HELLS: variants seen among roughly 807,000 people sequenced by gnomAD.
HELLS encodes the protein lymphoid-specific helicase.
A neutral mutation model predicts 120.0 loss-of-function variants in HELLS; 32 were observed. That is an observed-to-expected ratio of 0.27 (90% CI 0.20 to 0.36). The LOEUF is 0.36. HELLS is among the 10% of genes least tolerant of loss of function. HELLS has a pLI of 1.00. For missense variants in HELLS, 650 were observed against 993.4 expected (o/e 0.65, Z 4.65); for synonymous variants, 341 against 323.4 (o/e 1.05, Z -0.58).
Position 94,601,640 on chromosome 10 carries a change from G to A in HELLS, c.*18G>A, listed in dbSNP as rs767949845. On this transcript the variant is annotated 3_prime_UTR_variant, in exon 22 of 22. Coordinates refer to ENST00000348459, the MANE Select transcript of HELLS (RefSeq NM_018063.5). ...TGTTTTAAAGTGGAGCTCAAGAATA[G>A]CTTTTAAAAGTTCTTATTTACATCT... The A allele has an allele frequency of 7.6e-7, 1 of 1,312,484 alleles. No homozygotes were observed. The highest frequency in any genetic ancestry group is 1.1e-6 in the Non-Finnish European group (1 of 926,892). 81.3% of individuals were successfully genotyped at this position (1,312,484 alleles called of 1,614,324 possible).
At chr10:94,577,482 C>A (rs955515310) in intron 10 of HELLS, 3 of 157,984 alleles carry the variant, frequency 1.9e-5, no homozygotes, top group Non-Finnish European at 4.2e-5. Flanking sequence ...AATCAAAACA[C>A]ATAAGTCATA....
chr10:94,564,822 T>G (rs573245288), intron 6 of HELLS, among the ~76,000 whole-genome samples: 58 of 152,242 alleles, frequency 3.8e-4, no homozygotes, highest in Middle Eastern at 6.8e-3. Flanking sequence ...CTTGAACTAC[T>G]GACCTCAGGT....
intron 6 of HELLS, among the ~76,000 whole-genome samples, chr10:94,565,488 G>A (rs945511658): frequency 6.6e-6 from 1 of 152,160 alleles, no homozygotes; most frequent in African/African-American, 2.4e-5. Context: ...TCAAGAGTTC[G>A]AGGCCAGCCT....
chr10:94,574,847 A>G (rs1844353210), intron 9 of HELLS, 111 bp downstream of exon 9: 3 of 842,396 alleles, frequency 3.6e-6, no homozygotes, highest in Non-Finnish European at 3.6e-6. Context: ...TTCTGTATAA[A>G]TATTTTGTCT....
At chr10:94,548,884 C>T (rs752224032) in intron 2 of HELLS, among the ~76,000 whole-genome samples, 4 of 152,090 alleles carry the variant, frequency 2.6e-5, no homozygotes, top group Non-Finnish European at 5.9e-5. Context: ...GTCCCAACTA[C>T]TCAGGAGGCT....
intron 13 of HELLS, among the ~76,000 whole-genome samples, chr10:94,589,615 C>A (rs1589755267): frequency 6.7e-6 from 1 of 149,182 alleles, no homozygotes; most frequent in African/African-American, 2.5e-5. Flanking sequence ...TACGTATTTT[C>A]TTTTCAAAAT....
intron 6 of HELLS, among the ~76,000 whole-genome samples, chr10:94,569,002 C>T (rs960723579): frequency 6.6e-6 from 1 of 151,854 alleles, no homozygotes; most frequent in South Asian, 2.1e-4. Flanking sequence ...CCATCATGCT[C>T]GGCTAATTTT....
chr10:94,594,961 G>T (rs1427063912), intron 19 of HELLS, 107 bp downstream of exon 19: 10 of 809,124 alleles, frequency 1.2e-5, no homozygotes, highest in East Asian at 8.1e-5. Context: ...CGAGTTCTGT[G>T]TCTCACACCT....
intron 2 of HELLS, among the ~76,000 whole-genome samples, chr10:94,547,935 T>C (rs1842814605): frequency 6.6e-6 from 1 of 152,226 alleles, no homozygotes; most frequent in Non-Finnish European, 1.5e-5. Flanking sequence ...ACAAATTTTC[T>C]TTAAGTAACA....
intron 13 of HELLS, among the ~76,000 whole-genome samples, chr10:94,590,134 A>G (rs1302471543): frequency 6.6e-6 from 1 of 152,208 alleles, no homozygotes; most frequent in Non-Finnish European, 1.5e-5. Flanking sequence ...CTGTACTGCA[A>G]ATTTCCGGAG....
chr10:94,594,985 T>C, intron 19 of HELLS, 131 bp downstream of exon 19: 1 of 649,260 alleles, frequency 1.5e-6, no homozygotes, highest in Non-Finnish European at 2.5e-6. Context: ...ATCCTAGTAC[T>C]TTGGGATGCC....
chr10:94,590,018 A>G (rs1845400174), intron 13 of HELLS, among the ~76,000 whole-genome samples: 1 of 152,148 alleles, frequency 6.6e-6, no homozygotes, highest in South Asian at 2.1e-4. Context: ...AATTATAATT[A>G]AAGGAAGGGT....
At chr10:94,556,571 C>CA (rs1284602365) in intron 3 of HELLS, among the ~76,000 whole-genome samples, 2 of 152,036 alleles carry the variant, frequency 1.3e-5, no homozygotes, top group African/African-American at 4.8e-5. Context: ...CCACTGATTC[C>CA]AAAAAATTCT....
At chr10:94,554,022 G>T in intron 2 of HELLS, 104 bp from the exon 3 acceptor site, 17 of 998,680 alleles carry the variant, frequency 1.7e-5, no homozygotes, top group East Asian at 3.2e-5. Flanking sequence ...GAAAGTGTTT[G>T]GTTTAAAAAA....
In HELLS at chr10:94,565,514, A is replaced by G. The variant is rs553560781; in HGVS notation, c.435+2638A>G. On this transcript the variant is annotated intron_variant, in intron 6 of 21. Transcript: ENST00000348459. ...AGGCCAGCCTGACCAGCATGGAGAA[A>G]CCCCATCTCTACTAAAAATACAAAA... Among the ~76,000 whole-genome samples, 85 of 152,088 alleles carry G rather than the reference A, an allele frequency of 5.6e-4. 1 individual carries two copies. Among genetic ancestry groups the G allele is most frequent in the Non-Finnish European group, 1.0e-3 (68 of 68,002 alleles).
chr10:94,601,504 C>T (rs751863732), intron 21 of HELLS, 24 bp from the exon 22 acceptor site: 6 of 1,141,780 alleles, frequency 5.3e-6, no homozygotes, highest in Non-Finnish European at 7.9e-6. Context: ...CTAAAATGTA[C>T]CTGTTTTAAT....
In HELLS at chr10:94,594,681, T is replaced by C. The variant is rs1845658007; in HGVS notation, c.2089-14T>C. ...CTAATACCGTTAAATATTATTTTTC[T>C]TTTTAACTTTAAGAACCCCCAGTCG... On this transcript the variant is annotated splice_polypyrimidine_tract_variant and intron_variant, in intron 18 of 21. Coordinates refer to ENST00000348459, the MANE Select transcript of HELLS (RefSeq NM_018063.5). The C allele has an allele frequency of 2.5e-6, 4 of 1,582,064 alleles. No individual in the cohort carries two copies. The highest frequency in any genetic ancestry group is 1.4e-5 in the African/African-American group (1 of 73,162).
chr10:94,577,950 C>T (rs996821024), intron 10 of HELLS, among the ~76,000 whole-genome samples: 2 of 152,004 alleles, frequency 1.3e-5, no homozygotes, highest in Non-Finnish European at 2.9e-5. Flanking sequence ...GTAGTCCCAG[C>T]TACTCGGGAG....
chr10:94,570,493 T>TA (rs1844088185), intron 6 of HELLS: 1 of 152,202 alleles, frequency 6.6e-6, no homozygotes, highest in African/African-American at 2.4e-5. Context: ...GTCAGCCACT[T>TA]ACATGTCCTG....
Sources: gnomAD v4.1 joint callset for allele counts (sites outside exome capture counted in the v4.1 genomes callset) on GRCh38, gnomAD v4.1.1 for gene constraint, MANE v1.5 for transcripts, NCBI Gene and HGNC (gene_info 2026-07-23, HGNC 2026-07-21) for gene names.